TAOK2: variants seen among roughly 807,000 people sequenced by gnomAD.
The protein encoded by TAOK2 is serine/threonine-protein kinase TAO2.
Under a neutral mutation model 122.5 loss-of-function variants are expected in TAOK2, and 42 were observed. The observed-to-expected ratio is 0.34, with a 90% CI of 0.27 to 0.44. The LOEUF is 0.44. TAOK2 is among the 20% of genes least tolerant of loss of function. TAOK2 has a pLI of 1.00. For synonymous variants in TAOK2, 704 were observed against 677.6 expected (o/e 1.04, Z -0.61); for missense variants, 1,264 against 1,644.9 (o/e 0.77, Z 4.01).
downstream of TAOK2, chr16:29,991,594 C>T: frequency 2.8e-6 from 4 of 1,449,760 alleles, no homozygotes; most frequent in Non-Finnish European, 3.6e-6. This position sits in a 1 kb window ranked among gnomAD's most constrained non-coding sequence, Gnocchi z 5.6. Context: ...AGCAGATGAG[C>T]TGGGCAGGGC....
At chr16:29,988,497 C>T, downstream of TAOK2, 2 of 1,194,592 alleles carry the variant, frequency 1.7e-6, no homozygotes, top group Non-Finnish European at 2.1e-6. Flanking sequence ...ACCTCTTCAC[C>T]CCATCTCCGT....
At position 29,987,499 on chromosome 16, in the gene TAOK2, G is replaced by T. The variant is rs753157774; in HGVS notation, c.3227G>T (p.Arg1076Leu). ...AGATGGGTGCGGCAGCAGGGCCCCC[G>T]GGTGCGCCGGGGCATATCTCGACTC... Reference protein sequence around the residue: ...GGRWVRQQGPRVRRGISRLWL... With the variant: ...GGRWVRQQGPLVRRGISRLWL... Residue 1076 changes from arginine (R) to leucine (L), a missense_variant, in exon 16 of 16, where the codon CGG becomes CTG. Transcript: ENST00000308893. 7.5e-6 allele frequency: 12 copies of T among 1,598,750 alleles called. No individual in the cohort carries two copies. The highest frequency in any genetic ancestry group is 9.4e-6 in the Non-Finnish European group (11 of 1,171,054).
At chr16:29,980,309 TTC>T (rs1006568582) in intron 8 of TAOK2, 2 of 152,196 alleles carry the variant, frequency 1.3e-5, no homozygotes, top group African/African-American at 4.8e-5. Flanking sequence ...TGCTGTTAGT[TTC>T]TCTTATCAAC....
At chr16:29,983,712 G>A (rs746053189) in intron 13 of TAOK2, 48 bp downstream of exon 13, 5 of 1,566,224 alleles carry the variant, frequency 3.2e-6, no homozygotes, top group Non-Finnish European at 4.3e-6. Context: ...TGTTTTTTAA[G>A]TCTTTTTAAG....
downstream of TAOK2, chr16:29,991,533 C>T: frequency 6.7e-7 from 1 of 1,483,044 alleles, no homozygotes; most frequent in African/African-American, 1.4e-5. This position sits in a 1 kb window ranked among gnomAD's most constrained non-coding sequence, Gnocchi z 5.6. Flanking sequence ...TGTCGCTTCC[C>T]ACATCCTCAA....
At chr16:29,990,924 G>T, downstream of TAOK2, 1 of 1,613,430 alleles carries the variant, frequency 6.2e-7, no homozygotes, top group Non-Finnish European at 8.5e-7. Flanking sequence ...TGCGGGAGCT[G>T]GAGCAGAGGG....
chr16:29,982,584 T>A, intron 10 of TAOK2, 150 bp from the exon 11 acceptor site: 1 of 1,054,496 alleles, frequency 9.5e-7, no homozygotes, highest in Non-Finnish European at 1.4e-6. Context: ...GTACAGAAAA[T>A]TGTGAGAGAA....
At chr16:29,990,035 TC>T (rs914450165), downstream of TAOK2, 4 of 502,470 alleles carry the variant, frequency 8.0e-6, no homozygotes, top group Non-Finnish European at 1.4e-5. Context: ...ATGTGCCTAT[TC>T]CCAAGAACCA....
At position 29,985,775 on chromosome 16, in the gene TAOK2, C is replaced by T. The variant is rs1345489471; in HGVS notation, c.1906C>T (p.Arg636Cys). Reference sequence around the variant, plus strand: ...GGAAGCAGGGCTGCTGCGGCGGCAGCGCCAGTACTTTGAGCTGCAGTGTCG... The same window carrying T: ...GGAAGCAGGGCTGCTGCGGCGGCAGTGCCAGTACTTTGAGCTGCAGTGTCG... ...EEEAGLLRRQ[R>C]QYFELQCRQY... The change falls in exon 15 of 16, where the codon CGC (arginine) becomes TGC (cysteine). Residue 636 changes from arginine (R) to cysteine (C), a missense_variant. This residue lies in a region of TAOK2 where 824 missense variants were observed against 908.7 expected (regional missense o/e 0.91). Transcript: ENST00000308893. The surrounding 1 kb of genome is among the most constrained non-coding windows in gnomAD (Gnocchi z 6.9). 9 of 1,611,162 alleles carry T rather than the reference C, an allele frequency of 5.6e-6. No individual in the cohort carries two copies. The highest frequency in any genetic ancestry group is 2.2e-5 in the South Asian group (2 of 90,886).
At chr16:29,978,423 CT>C in intron 4 of TAOK2, 70 bp downstream of exon 4, 1 of 1,499,124 alleles carries the variant, frequency 6.7e-7, no homozygotes, top group Non-Finnish European at 9.3e-7. Flanking sequence ...AGTCCAGTCT[CT>C]TAGGTGGTCC....
chr16:29,982,622 C>T (rs1024896525), intron 10 of TAOK2, 112 bp from the exon 11 acceptor site: 41 of 1,413,582 alleles, frequency 2.9e-5, no homozygotes, highest in East Asian at 1.1e-4. Context: ...AGCATCAACC[C>T]GTGGTGGGCG....
intron 11 of TAOK2, 78 bp downstream of exon 11, chr16:29,982,979 G>C: frequency 6.2e-7 from 1 of 1,603,644 alleles, no homozygotes; most frequent in Non-Finnish European, 8.5e-7. Context: ...CCCTTCCCCA[G>C]CCCTACTCAC....
At chr16:29,990,040 A>G, downstream of TAOK2, 2 of 485,816 alleles carry the variant, frequency 4.1e-6, no homozygotes, top group East Asian at 7.1e-5. Context: ...CCTATTCCCA[A>G]GAACCACCAA....
chr16:29,987,108 C>T lies in TAOK2; in HGVS notation c.2836C>T (p.Leu946Phe). Residue 946 changes from leucine to phenylalanine, a missense_variant, in exon 16 of 16, where the codon CTC (leucine) becomes TTC (phenylalanine). Coordinates refer to ENST00000308893, the MANE Select transcript of TAOK2 (RefSeq NM_016151.4). ...CTGCCCTGCCAGCCAGCTCCCTGGA[C>T]TCCTGTCCCATGGCCTCCTGGCCGG... ...RPCPASQLPGLLSHGLLAGLS... is the reference protein window; with the variant it reads ...RPCPASQLPGFLSHGLLAGLS... 1 of 1,612,616 alleles carries T rather than the reference C, an allele frequency of 6.2e-7. No individual in the cohort carries two copies. The highest frequency in any genetic ancestry group is 8.5e-7 in the Non-Finnish European group (1 of 1,179,134).
chr16:29,985,585 T>C lies in TAOK2; in HGVS notation c.1788+7T>C, dbSNP rs1217691404. The C allele has an allele frequency of 1.9e-6, 3 of 1,602,574 alleles. No individual in the cohort carries two copies. The highest frequency in any genetic ancestry group is 2.2e-5 in the East Asian group (1 of 44,704). ...CAAGGAACAGCTGAAGGAGGTGAGC[T>C]AGGGCTGCTTGGGGGCGGAGCCGAT... On this transcript the variant is annotated splice_region_variant and intron_variant, in intron 14 of 15. Transcript: ENST00000308893. The surrounding 1 kb of genome is among the most constrained non-coding windows in gnomAD (Gnocchi z 6.9).
chr16:29,982,015 T>C, intron 10 of TAOK2, 75 bp downstream of exon 10: 2 of 1,266,624 alleles, frequency 1.6e-6, no homozygotes, highest in Non-Finnish European at 2.3e-6. Context: ...GGGAAATTAG[T>C]GGTTCCCAGT....
Position 29,987,339 on chromosome 16 carries a change from G to A in TAOK2, c.3067G>A (p.Gly1023Ser), listed in dbSNP as rs1048258295. 12 of 1,538,944 alleles carry A rather than the reference G, an allele frequency of 7.8e-6. No homozygotes were observed. Among genetic ancestry groups the A allele is most frequent in the Non-Finnish European group, 9.6e-6 (11 of 1,144,586 alleles). Residue 1023 changes from glycine (G) to serine (S), a missense_variant, in exon 16 of 16, where the codon GGT becomes AGT. Transcript: ENST00000308893. Reference protein sequence around the residue: ...PSSLFLLLAQGTALGAVLGLS... With the variant: ...PSSLFLLLAQSTALGAVLGLS... ...CAGTCTTTTCCTACTCCTGGCCCAGGGTACCGCACTGGGGGCCGTCCTGGG... is the reference window on the plus strand; with the variant it reads ...CAGTCTTTTCCTACTCCTGGCCCAGAGTACCGCACTGGGGGCCGTCCTGGG...
rs774481042 is a variant in TAOK2 at position 29,986,936 on chromosome 16, C to A, written c.2664C>A (p.Gly888=). 6.2e-7 allele frequency: 1 copy of A among 1,613,946 alleles called. No homozygotes were observed. The highest frequency in any genetic ancestry group is 8.5e-7 in the Non-Finnish European group (1 of 1,179,976). ...TTCTGGATGAGGAGTTTGAGCTTGG[C>A]TGGGTCCAGGGCCCAGCACTGACTC... ...ESLLDEEFEL[G]WVQGPALTPV... The change falls in exon 16 of 16, where the codon GGC becomes GGA. Residue 888 remains glycine (G), a synonymous_variant. Transcript: ENST00000308893. This position sits in a 1 kb window ranked among gnomAD's most constrained non-coding sequence, Gnocchi z 4.2.
At chr16:29,990,484 T>C (rs1400846675), downstream of TAOK2, 8 of 240,834 alleles carry the variant, frequency 3.3e-5, no homozygotes, top group Non-Finnish European at 6.3e-5. Flanking sequence ...GCATAGAATT[T>C]TCCATGGTAT....
Sources: gnomAD v4.1 joint callset for allele counts on GRCh38, gnomAD v4.1.1 for gene constraint, gnomAD v4.1.1 regional missense constraint, Gnocchi (gnomAD v3.1) non-coding constraint, MANE v1.5 for transcripts, NCBI Gene and HGNC (gene_info 2026-07-23, HGNC 2026-07-21) for gene names.